Variants in CNGA4 observed in about 807,000 individuals in gnomAD.
CNGA4 encodes the protein cyclic nucleotide gated channel subunit alpha 4, also known as cyclic nucleotide-gated channel alpha-4.
A neutral mutation model predicts 45.6 loss-of-function variants in CNGA4; 32 were observed. That is an observed-to-expected ratio of 0.70 (90% CI 0.53 to 0.94). The LOEUF (loss-of-function observed/expected upper bound fraction) is 0.94, where lower values mean the gene tolerates loss of function less well. Among genes scored for constraint, CNGA4 ranks in the 40% least tolerant of loss-of-function variants. The pLI, the probability that CNGA4 is intolerant of heterozygous loss-of-function variation, is 0.00. For synonymous variants in CNGA4, 293 were observed against 304.6 expected (o/e 0.96, Z 0.40); for missense variants, 726 against 755.1 (o/e 0.96, Z 0.45).
At chr11:6,239,509 G>T in intron 2 of CNGA4, 24 bp downstream of exon 2, 1 of 1,611,582 alleles carries the variant, frequency 6.2e-7, no homozygotes, top group South Asian at 1.1e-5. Context: ...GCTAAGGGAG[G>T]GGCTGGAAGC....
At chr11:6,243,827 A>T in intron 5 of CNGA4, 122 bp from the exon 6 acceptor site, 1 of 851,056 alleles carries the variant, frequency 1.2e-6, no homozygotes, top group Non-Finnish European at 1.8e-6. Context: ...TGAAAGAATT[A>T]ATGAGGCAGA....
At chr11:6,239,620 C>G (rs771329884) in intron 2 of CNGA4, 64 bp from the exon 3 acceptor site, 2 of 1,580,060 alleles carry the variant, frequency 1.3e-6, no homozygotes, top group Non-Finnish European at 1.7e-6. Flanking sequence ...GTTAAGGGCC[C>G]TGGGGAGACG....
At chr11:6,236,330 T>G (rs1847837593), upstream of CNGA4, among the ~76,000 whole-genome samples, 1 of 152,166 alleles carries the variant, frequency 6.6e-6, no homozygotes, top group African/African-American at 2.4e-5. Flanking sequence ...GATTTTATTT[T>G]TGGGATGATA....
downstream of CNGA4, among the ~76,000 whole-genome samples, chr11:6,244,595 C>CGT (rs1232971973): frequency 7.2e-4 from 68 of 94,308 alleles, no homozygotes; most frequent in East Asian, 0.015. This position sits in a 1 kb window ranked among gnomAD's most constrained non-coding sequence, Gnocchi z 4.5. Context: ...TACACACACA[C>CGT]ACACACACAC....
At chr11:6,241,884 A>G in intron 5 of CNGA4, 104 bp downstream of exon 5, 2 of 1,039,604 alleles carry the variant, frequency 1.9e-6, no homozygotes. Flanking sequence ...TAAACTTCTG[A>G]TTGAGGAAAC....
rs373972187 is a variant in CNGA4 at position 6,240,748 on chromosome 11, G to T, written c.917+37G>T. ...GGGTTCCAGACCAGGACAGGGACCA[G>T]TGTAGGTGATGGAACCTGAGGGAGG... is the stretch of plus-strand genomic sequence containing the variant. On this transcript the variant is annotated intron_variant, in intron 4 of 5. Coordinates refer to ENST00000379936, the MANE Select transcript of CNGA4 (RefSeq NM_001037329.4). This position sits in a 1 kb window ranked among gnomAD's most constrained non-coding sequence, Gnocchi z 4.9. 6.3e-7 allele frequency: 1 copy of T among 1,587,016 alleles called. No homozygotes were observed. The highest frequency in any genetic ancestry group is 1.3e-5 in the African/African-American group (1 of 74,428).
chr11:6,237,578 A>C (rs1472792925), upstream of CNGA4, among the ~76,000 whole-genome samples: 1 of 152,132 alleles, frequency 6.6e-6, no homozygotes, highest in Non-Finnish European at 1.5e-5. Flanking sequence ...ACCATCATAG[A>C]AGGAATAGAC....
chr11:6,244,137 G>A lies in CNGA4; in HGVS notation c.1456G>A (p.Glu486Lys). The A allele has an allele frequency of 1.9e-6, 3 of 1,614,226 alleles. No homozygotes were observed. The highest frequency in any genetic ancestry group is 2.5e-6 in the Non-Finnish European group (3 of 1,180,040). The change falls in exon 6 of 6, where the codon GAG becomes AAG. Residue 486 changes from glutamate (E) to lysine (K), a missense_variant. Glu to Lys is a moderately conservative substitution (Grantham distance 56, BLOSUM62 1). Coordinates refer to ENST00000379936, the MANE Select transcript of CNGA4 (RefSeq NM_001037329.4). This position sits in a 1 kb window ranked among gnomAD's most constrained non-coding sequence, Gnocchi z 4.5. ...NKLDVNAEAA[E>K]IALQEATESR... is the part of the protein sequence containing the mutation. ...GTTGGACGTGAATGCTGAGGCAGCT[G>A]AGATCGCCCTGCAGGAGGCCACAGA...
rs767593757 is a variant in CNGA4 at position 6,244,328 on chromosome 11, T to C, written c.1647T>C (p.Asp549=). 2.9e-5 allele frequency: 47 copies of C among 1,613,956 alleles called. No homozygotes were observed. The highest frequency in any genetic ancestry group is 3.4e-6 in the Non-Finnish European group (4 of 1,180,034). Residue 549 remains aspartate, a synonymous_variant, in exon 6 of 6, where the codon GAT becomes GAC. Coordinates refer to ENST00000379936, the MANE Select transcript of CNGA4 (RefSeq NM_001037329.4). This position sits in a 1 kb window ranked among gnomAD's most constrained non-coding sequence, Gnocchi z 4.5. ...TGCCCGAGGACCTGGCTGAGGCTGATGACGAGGGTGAGCCTGAGGAGGGAA... is the reference window on the plus strand; with the variant it reads ...TGCCCGAGGACCTGGCTGAGGCTGACGACGAGGGTGAGCCTGAGGAGGGAA... ...WPMPEDLAEA[D]DEGEPEEGTS...
In CNGA4 at chr11:6,240,521, G is replaced by GA. The variant is rs1430989436; in HGVS notation, c.728dup (p.Tyr244ValfsTer21). The GA allele has an allele frequency of 6.2e-7, 1 of 1,614,250 alleles. No homozygotes were observed. Among genetic ancestry groups the GA allele is most frequent in the African/African-American group, 1.3e-5 (1 of 75,070 alleles). ...TACACCGCCGCCAGCCAGGGAAGAA[G>GA]AGTACCTCTTCATGGTGGGCGACTT... On this transcript the variant is annotated frameshift_variant, in exon 4 of 6. Coordinates refer to ENST00000379936, the MANE Select transcript of CNGA4 (RefSeq NM_001037329.4). LOFTEE classifies it high-confidence loss of function. This position sits in a 1 kb window ranked among gnomAD's most constrained non-coding sequence, Gnocchi z 4.9.
chr11:6,237,893 G>A (rs574138786), upstream of CNGA4, among the ~76,000 whole-genome samples: 27 of 152,242 alleles, frequency 1.8e-4, no homozygotes, highest in Admixed American at 1.8e-3. Context: ...TTATAACATG[G>A]CTGACAGAAC....
downstream of CNGA4, among the ~76,000 whole-genome samples, chr11:6,244,926 C>T (rs1488264745): frequency 1.3e-5 from 2 of 152,198 alleles, no homozygotes; most frequent in African/African-American, 2.4e-5. The surrounding 1 kb of genome is among the most constrained non-coding windows in gnomAD (Gnocchi z 4.5). Flanking sequence ...GGGCGATTCA[C>T]AAGTATACCC....
At position 6,241,698 on chromosome 11, in the gene CNGA4, G is replaced by A. The variant is rs1482635635; in HGVS notation, c.1185G>A (p.Val395=). ...TCATCCGAGAGGGTCAACTGGCCGT[G>A]GTGGCAGATGATGGTATCACACAGT... ...MYIIREGQLA[V]VADDGITQYA... Residue 395 remains valine, a synonymous_variant, in exon 5 of 6, where the codon GTG becomes GTA. Transcript: ENST00000379936. 2 of 1,614,212 alleles carry A rather than the reference G, an allele frequency of 1.2e-6. No individual in the cohort carries two copies. The highest frequency in any genetic ancestry group is 3.3e-5 in the Admixed American group (2 of 60,030).
chr11:6,238,872 G>A (rs940743658), upstream of CNGA4, among the ~76,000 whole-genome samples: 2 of 152,226 alleles, frequency 1.3e-5, no homozygotes, highest in African/African-American at 2.4e-5. Context: ...AGTTGCTGTG[G>A]AAAGAGGGGA....
At chr11:6,236,199 G>A (rs1396590408), upstream of CNGA4, among the ~76,000 whole-genome samples, 1 of 152,198 alleles carries the variant, frequency 6.6e-6, no homozygotes, top group African/African-American at 2.4e-5. Context: ...CATGTGGGAG[G>A]TGCTGTAAGA....
At chr11:6,237,670 C>T (rs1847855846), upstream of CNGA4, among the ~76,000 whole-genome samples, 1 of 152,120 alleles carries the variant, frequency 6.6e-6, no homozygotes, top group South Asian at 2.1e-4. Context: ...CATTTTGTTG[C>T]ATTACTTTGA....
At chr11:6,242,010 A>G (rs1847926764) in intron 5 of CNGA4, 1 of 573,398 alleles carries the variant, frequency 1.7e-6, no homozygotes, top group African/African-American at 1.9e-5. Context: ...TGGAAGAGAG[A>G]GTAGACTTGC....
At chr11:6,237,431 A>T (rs1281353540), upstream of CNGA4, among the ~76,000 whole-genome samples, 1 of 152,162 alleles carries the variant, frequency 6.6e-6, no homozygotes, top group East Asian at 1.9e-4. Flanking sequence ...TCATATAGAT[A>T]ACTGAAACTC....
intron 2 of CNGA4, 39 bp downstream of exon 2, chr11:6,239,524 A>G: frequency 6.3e-7 from 1 of 1,599,544 alleles, no homozygotes; most frequent in African/African-American, 1.3e-5. Context: ...GGAAGCCAAA[A>G]AGAGGACTAA....
Sources: gnomAD v4.1 joint callset for allele counts (sites outside exome capture counted in the v4.1 genomes callset) on GRCh38, gnomAD v4.1.1 for gene constraint, Gnocchi (gnomAD v3.1) non-coding constraint, MANE v1.5 for transcripts, NCBI Gene and HGNC (gene_info 2026-07-23, HGNC 2026-07-21) for gene names.